HECW1: variants seen among roughly 807,000 people sequenced by gnomAD.
HECW1 encodes HECT, C2 and WW domain containing E3 ubiquitin protein ligase 1.
HECW1 carries 61 observed loss-of-function variants against 182.3 expected under a neutral mutation model. The ratio of observed to expected loss-of-function variants is 0.33; its 90% CI spans 0.27 to 0.41. HECW1 has a LOEUF of 0.41. HECW1 is among the 10% of genes least tolerant of loss of function. HECW1 has a pLI of 1.00. For synonymous variants in HECW1, 859 were observed against 832.6 expected (o/e 1.03, Z -0.55); for missense variants, 1,739 against 2,108.9 (o/e 0.82, Z 3.44).
At chr7:43,142,960 C>T (rs1583668686) in intron 2 of HECW1, among the ~76,000 whole-genome samples, 1 of 152,268 alleles carries the variant, frequency 6.6e-6, no homozygotes, top group East Asian at 1.9e-4. Flanking sequence ...CAAAGCTGGG[C>T]TTGGCCATGT....
At chr7:43,270,339 T>A (rs559828649) in intron 3 of HECW1, among the ~76,000 whole-genome samples, 1 of 152,192 alleles carries the variant, frequency 6.6e-6, no homozygotes, top group African/African-American at 2.4e-5. Context: ...CCACTTCCAA[T>A]GTGTCTCACT....
chr7:43,550,822 A>G (rs1272234373), intron 27 of HECW1, among the ~76,000 whole-genome samples: 1 of 152,234 alleles, frequency 6.6e-6, no homozygotes, highest in African/African-American at 2.4e-5. Context: ...CTTATGGGTG[A>G]AAAATGCTTT....
In HECW1 at chr7:43,463,706, G is replaced by A. The variant is rs2077663562; in HGVS notation, c.2698G>A (p.Asp900Asn). The A allele has an allele frequency of 1.9e-6, 3 of 1,614,090 alleles. No homozygotes were observed. Among genetic ancestry groups the A allele is most frequent in the Admixed American group, 1.7e-5 (1 of 60,016 alleles). The change falls in exon 14 of 30, where the codon GAT (aspartate) becomes AAT (asparagine). Residue 900 changes from aspartate (D) to asparagine (N), a missense_variant. Asp to Asn is a conservative substitution (Grantham distance 23). This residue lies in a region of HECW1 where 971 missense variants were observed against 1,029.1 expected (regional missense o/e 0.94). Transcript: ENST00000395891. Reference protein sequence around the residue: ...RTIATERSEEDSGSQSCEQAP... With the variant: ...RTIATERSEENSGSQSCEQAP... ...CATTGCAACAGAGAGGTCCGAAGAA[G>A]ATTCTGGCAGCCAAAGCTGCGAGCA...
intron 3 of HECW1, among the ~76,000 whole-genome samples, chr7:43,275,781 T>C (rs1007258353): frequency 1.3e-5 from 2 of 148,554 alleles, no homozygotes; most frequent in Non-Finnish European, 3.0e-5. Context: ...TCAGTCATTG[T>C]TAATTTGCTG....
intron 2 of HECW1, among the ~76,000 whole-genome samples, chr7:43,226,876 G>GT (rs1461996694): frequency 6.6e-6 from 1 of 152,226 alleles, no homozygotes; most frequent in African/African-American, 2.4e-5. Context: ...GATGGCCTGC[G>GT]TGTGGGGGCT....
intron 8 of HECW1, among the ~76,000 whole-genome samples, chr7:43,420,074 C>G (rs2076132217): frequency 6.6e-6 from 1 of 152,334 alleles, no homozygotes; most frequent in South Asian, 2.1e-4. Context: ...CAGGCTATGA[C>G]CTAATGCTTA....
intron 6 of HECW1, among the ~76,000 whole-genome samples, chr7:43,369,185 G>A (rs532937581): frequency 7.2e-5 from 11 of 152,262 alleles, no homozygotes; most frequent in East Asian, 1.9e-4. Flanking sequence ...AGGGCCGGGC[G>A]CAGTGGCTCA....
chr7:43,366,079 G>C (rs900337340), intron 6 of HECW1, among the ~76,000 whole-genome samples: 5 of 151,714 alleles, frequency 3.3e-5, no homozygotes, highest in Non-Finnish European at 5.9e-5. Flanking sequence ...CTCCAGCCTG[G>C]TCGACAGAGC....
At chr7:43,537,132 C>T (rs1367747462) in intron 24 of HECW1, among the ~76,000 whole-genome samples, 1 of 152,158 alleles carries the variant, frequency 6.6e-6, no homozygotes, top group Admixed American at 6.5e-5. Context: ...TCCTGAGATC[C>T]ATGGAGAGAA....
chr7:43,190,434 G>A (rs1169562444), intron 2 of HECW1, among the ~76,000 whole-genome samples: 3 of 152,152 alleles, frequency 2.0e-5, no homozygotes, highest in Admixed American at 1.3e-4. Flanking sequence ...TATAGTCACA[G>A]TAGGGAAGGG....
chr7:43,458,578 A>T (rs1208488056), intron 13 of HECW1, among the ~76,000 whole-genome samples: 5 of 152,352 alleles, frequency 3.3e-5, no homozygotes, highest in South Asian at 2.1e-4. Flanking sequence ...GGAATTTAGC[A>T]CTTTGAGAAG....
chr7:43,341,281 C>T (rs1349287411), intron 5 of HECW1, among the ~76,000 whole-genome samples: 1 of 150,932 alleles, frequency 6.6e-6, no homozygotes, highest in Non-Finnish European at 1.5e-5. Flanking sequence ...GCACATTGTG[C>T]ACATGTACCC....
At chr7:43,466,388 C>T in intron 14 of HECW1, 59 bp from the exon 15 acceptor site, 5 of 1,577,306 alleles carry the variant, frequency 3.2e-6, no homozygotes, top group Non-Finnish European at 4.3e-6. Flanking sequence ...GAGCGAAGTA[C>T]AGAGGTTGAA....
intron 8 of HECW1, among the ~76,000 whole-genome samples, chr7:43,436,163 CAAAAAAA>C (rs750081980): frequency 3.0e-5 from 2 of 67,046 alleles, no homozygotes; most frequent in Admixed American, 3.6e-4. Flanking sequence ...GACTTTGTCT[CAAAAAAA>C]AAAAAAAAAA....
At chr7:43,320,305 C>T (rs1452344839) in intron 4 of HECW1, among the ~76,000 whole-genome samples, 1 of 152,206 alleles carries the variant, frequency 6.6e-6, no homozygotes. Flanking sequence ...AAGATTTTCA[C>T]ACTGAGCTTT....
At chr7:43,232,021 CAAAAAAA>C (rs34791514) in intron 2 of HECW1, among the ~76,000 whole-genome samples, 1 of 71,368 alleles carries the variant, frequency 1.4e-5, no homozygotes, top group Non-Finnish European at 2.7e-5. Flanking sequence ...GACTCCATCT[CAAAAAAA>C]AAAAAAAAAA....
At chr7:43,274,413 C>A in intron 3 of HECW1, 1 of 634,430 alleles carries the variant, frequency 1.6e-6, no homozygotes, top group Non-Finnish European at 2.9e-6. Flanking sequence ...TGCTCTATGA[C>A]TCCCGGAGCT....
chr7:43,531,812 T>C (rs921431826), intron 24 of HECW1, among the ~76,000 whole-genome samples: 5 of 152,202 alleles, frequency 3.3e-5, no homozygotes, highest in African/African-American at 1.2e-4. Flanking sequence ...TTCTTTCTCA[T>C]GTACTTTATT....
At position 43,550,505 on chromosome 7, in the gene HECW1, A is replaced by G. The variant is rs2081764641; in HGVS notation, c.4309A>G (p.Lys1437Glu). The G allele has an allele frequency of 1.2e-6, 2 of 1,614,154 alleles. No homozygotes were observed. Among genetic ancestry groups the G allele is most frequent in the Non-Finnish European group, 8.5e-7 (1 of 1,180,018 alleles). Residue 1437 changes from lysine to glutamate, a missense_variant, in exon 27 of 30, where the codon AAG (lysine) becomes GAG (glutamate). Physicochemically the swap from Lys to Glu is moderately conservative, Grantham distance 56. Around this residue, in one of 5 missense-constraint regions of HECW1, gnomAD observed 420 missense variants for 595.7 expected, o/e 0.71. Transcript: ENST00000395891. Reference sequence around the variant, plus strand: ...CACACAGGTGACGGAGAAAAACAAGAAGGAGTACATCGAGCGCATGGTGAA... The same window carrying G: ...CACACAGGTGACGGAGAAAAACAAGGAGGAGTACATCGAGCGCATGGTGAA... ...ANTQVTEKNK[K>E]EYIERMVKWR... is the part of the protein sequence containing the mutation.
Sources: allele counts gnomAD v4.1 joint callset (sites outside exome capture counted in the v4.1 genomes callset), GRCh38; gene constraint gnomAD v4.1.1; regional missense constraint gnomAD v4.1.1; transcripts MANE v1.5; gene names NCBI Gene and HGNC (gene_info 2026-07-23, HGNC 2026-07-21).